The following KANK1 variants were observed in gnomAD, a reference collection of about 807,000 sequenced individuals.
KANK1 encodes KN motif and ankyrin repeat domain-containing protein 1.
Under a neutral mutation model 106.2 loss-of-function variants are expected in KANK1, and 109 were observed. The observed-to-expected ratio is 1.03, with a 90% CI of 0.88 to 1.20. KANK1 has a LOEUF of 1.20. Ranked by LOEUF, KANK1 falls within the 50% of genes most tolerant of loss-of-function variation. The pLI is 0.00. For missense variants in KANK1, 2,399 were observed against 1,710.7 expected (o/e 1.40, Z -7.10); for synonymous variants, 873 against 652.2 (o/e 1.34, Z -5.16).
At chr9:606,481 A>C (rs1407507883) in intron 1 of KANK1, among the ~76,000 whole-genome samples, 1 of 147,964 alleles carries the variant, frequency 6.8e-6, no homozygotes, top group Non-Finnish European at 1.5e-5. Flanking sequence ...ACTTGAACCC[A>C]GGAGGTGGAG....
At chr9:581,130 A>G (rs1217316996) in intron 1 of KANK1, among the ~76,000 whole-genome samples, 1 of 152,160 alleles carries the variant, frequency 6.6e-6, no homozygotes, top group East Asian at 1.9e-4. Flanking sequence ...CGTTGTGTGC[A>G]GCCCCAGTTC....
chr9:477,760 A>C (rs2058131363), intron 3 of KANK1: 1 of 152,294 alleles, frequency 6.6e-6, no homozygotes, highest in South Asian at 2.1e-4. Context: ...TAACACAGAA[A>C]GGAAAACCAA....
intron 1 of KANK1, among the ~76,000 whole-genome samples, chr9:507,819 G>C (rs1313949868): frequency 1.3e-5 from 2 of 152,078 alleles, no homozygotes; most frequent in Non-Finnish European, 2.9e-5. Context: ...GCCTCTCAAA[G>C]TGTCAGGATT....
At chr9:663,053 C>T (rs1843715951) in intron 1 of KANK1, among the ~76,000 whole-genome samples, 1 of 152,158 alleles carries the variant, frequency 6.6e-6, no homozygotes, top group African/African-American at 2.4e-5. Context: ...CAGTCCCAGG[C>T]ACACACGAGC....
chr9:636,362 A>G (rs968635836), intron 1 of KANK1, among the ~76,000 whole-genome samples: 8 of 152,186 alleles, frequency 5.3e-5, no homozygotes, highest in Admixed American at 4.6e-4. Context: ...CATGCAGGGT[A>G]TGTCCTGGTT....
intron 2 of KANK1, among the ~76,000 whole-genome samples, chr9:691,423 T>C (rs1563994608): frequency 1.3e-5 from 2 of 150,078 alleles, no homozygotes; most frequent in Non-Finnish European, 3.0e-5. Context: ...TATATATTTA[T>C]TTATTATTAT....
intron 1 of KANK1, among the ~76,000 whole-genome samples, chr9:537,723 G>A (rs984914172): frequency 6.6e-6 from 1 of 152,184 alleles, no homozygotes; most frequent in African/African-American, 2.4e-5. Flanking sequence ...GCAGTGTTTG[G>A]AGACATTTTT....
intron 1 of KANK1, among the ~76,000 whole-genome samples, chr9:591,254 T>C (rs1358501579): frequency 2.0e-5 from 3 of 151,934 alleles, no homozygotes; most frequent in Non-Finnish European, 4.4e-5. Flanking sequence ...TTTAAATGTA[T>C]ATAAATATTT....
intron 1 of KANK1, among the ~76,000 whole-genome samples, chr9:561,092 C>T (rs1038053966): frequency 1.4e-4 from 21 of 152,026 alleles, no homozygotes; most frequent in Non-Finnish European, 2.9e-5. Context: ...GAGGGTAAGC[C>T]AGGGAAATAA....
intron 1 of KANK1, among the ~76,000 whole-genome samples, chr9:642,008 C>T (rs567230563): frequency 6.6e-6 from 1 of 152,168 alleles, no homozygotes; most frequent in Non-Finnish European, 1.5e-5. Context: ...ACACACCCCC[C>T]AGCACTAGGC....
At chr9:541,939 A>G (rs907351218) in intron 1 of KANK1, among the ~76,000 whole-genome samples, 3 of 151,528 alleles carry the variant, frequency 2.0e-5, no homozygotes, top group African/African-American at 4.8e-5. Context: ...AATACAAAAA[A>G]TTAGCCGGGC....
intron 11 of KANK1, chr9:744,808 A>C: frequency 6.9e-7 from 1 of 1,442,146 alleles, no homozygotes; most frequent in Non-Finnish European, 9.1e-7. Context: ...CTTGCAAGAC[A>C]TATGCTCACA....
chr9:529,897 A>G (rs1312120501), intron 1 of KANK1, among the ~76,000 whole-genome samples: 1 of 152,260 alleles, frequency 6.6e-6, no homozygotes, highest in Non-Finnish European at 1.5e-5. Flanking sequence ...ATGCTCTCAC[A>G]GGCAAGGCAT....
In KANK1 at chr9:745,355, A is replaced by T. The variant is rs1836921571; in HGVS notation, c.*120A>T. On this transcript the variant is annotated 3_prime_UTR_variant, in exon 12 of 12. Transcript: ENST00000382297. ...GAGCTCACCAGCAAACAGAAGCATCAAGCCCAGGGGTAAAGGCTGAAGCTT... is the reference window on the plus strand; with the variant it reads ...GAGCTCACCAGCAAACAGAAGCATCTAGCCCAGGGGTAAAGGCTGAAGCTT... The T allele has an allele frequency of 7.7e-7, 1 of 1,296,984 alleles. No individual in the cohort carries two copies. The highest frequency in any genetic ancestry group is 1.5e-5 in the African/African-American group (1 of 68,704). The allele number at this position is 1,296,984 out of a possible 1,614,324, so 80.3% of individuals were successfully genotyped here.
intron 1 of KANK1, among the ~76,000 whole-genome samples, chr9:652,193 A>G (rs2137606194): frequency 6.6e-6 from 1 of 152,308 alleles, no homozygotes; most frequent in South Asian, 2.1e-4. Flanking sequence ...GGACAGGTAC[A>G]GAAAGCTATA....
chr9:738,409 A>AT lies in KANK1; in HGVS notation c.3459dup (p.Val1154CysfsTer35). On this transcript the variant is annotated frameshift_variant, in exon 8 of 12. Coordinates refer to ENST00000382297, the MANE Select transcript of KANK1 (RefSeq NM_015158.5). LOFTEE classifies it high-confidence loss of function. ...GCCATTTCCCCAGATGTCCTCCGCT[A>AT]TGTCATCAACTTGGCAGACGGCAAC... The AT allele has an allele frequency of 6.2e-7, 1 of 1,614,102 alleles. No homozygotes were observed. The highest frequency in any genetic ancestry group is 8.5e-7 in the Non-Finnish European group (1 of 1,180,004).
At chr9:510,932 A>C (rs2059002766) in intron 1 of KANK1, among the ~76,000 whole-genome samples, 1 of 152,208 alleles carries the variant, frequency 6.6e-6, no homozygotes, top group Non-Finnish European at 1.5e-5. Context: ...AGAATAAGCC[A>C]ATATCACTTA....
In KANK1 at chr9:713,347, TCCCTCAA is replaced by T; in HGVS notation, c.2583_2589del (p.Asn863SerfsTer13). 1 of 1,614,138 alleles carries T rather than the reference TCCCTCAA, an allele frequency of 6.2e-7. No homozygotes were observed. Among genetic ancestry groups the T allele is most frequent in the African/African-American group, 1.3e-5 (1 of 75,030 alleles). On this transcript the variant is annotated frameshift_variant, in exon 3 of 12. Coordinates refer to ENST00000382297, the MANE Select transcript of KANK1 (RefSeq NM_015158.5). LOFTEE classifies it high-confidence loss of function. ...CGGGGAACCTCACTCACAGATGGGC[TCCCTCAA>T]CTCTCAGCTCATCAGCACCCTGTCG...
chr9:490,106 A>G (rs996934140), intron 3 of KANK1, among the ~76,000 whole-genome samples: 1 of 152,200 alleles, frequency 6.6e-6, no homozygotes, highest in South Asian at 2.1e-4. Flanking sequence ...CAGCGGAAAT[A>G]CTTCAATCCT....
Sources: allele counts gnomAD v4.1 joint callset (sites outside exome capture counted in the v4.1 genomes callset), GRCh38; gene constraint gnomAD v4.1.1; transcripts MANE v1.5; gene names NCBI Gene and HGNC (gene_info 2026-07-23, HGNC 2026-07-21).